Variants in FAM171A1 observed in about 807,000 individuals in gnomAD.
The protein encoded by FAM171A1 is protein FAM171A1.
Under a neutral mutation model 74.9 loss-of-function variants are expected in FAM171A1, and 23 were observed. The ratio of observed to expected loss-of-function variants is 0.31; its 90% CI spans 0.22 to 0.44. The LOEUF is 0.44. Among genes scored for constraint, FAM171A1 ranks in the 20% least tolerant of loss-of-function variants. FAM171A1 has a pLI of 1.00. For synonymous variants in FAM171A1, 527 were observed against 505.7 expected (o/e 1.04, Z -0.57); for missense variants, 1,162 against 1,159.2 (o/e 1.00, Z -0.03).
intron 1 of FAM171A1, among the ~76,000 whole-genome samples, chr10:15,352,666 G>C (rs867541532): frequency 6.6e-6 from 1 of 152,190 alleles, no homozygotes; most frequent in Non-Finnish European, 1.5e-5. Flanking sequence ...AAGTTGTGGG[G>C]AAAGTACACA....
chr10:15,310,038 T>G (rs571341363), intron 1 of FAM171A1, among the ~76,000 whole-genome samples: 4 of 152,270 alleles, frequency 2.6e-5, no homozygotes, highest in Admixed American at 1.3e-4. Context: ...AGCCTAAAAC[T>G]AAAAAAGTTG....
intron 3 of FAM171A1, among the ~76,000 whole-genome samples, chr10:15,269,073 G>C (rs1015794879): frequency 6.7e-6 from 1 of 148,784 alleles, no homozygotes; most frequent in African/African-American, 2.5e-5. Context: ...AACAAACAAA[G>C]CCAGGAAACA....
chr10:15,296,263 T>C (rs1271129303), intron 1 of FAM171A1, among the ~76,000 whole-genome samples: 1 of 152,150 alleles, frequency 6.6e-6, no homozygotes, highest in Non-Finnish European at 1.5e-5. Context: ...TACCCAAAAT[T>C]TAGCCAATCA....
intron 4 of FAM171A1, among the ~76,000 whole-genome samples, chr10:15,249,104 T>TC (rs1173431247): frequency 5.4e-5 from 8 of 146,938 alleles, no homozygotes; most frequent in African/African-American, 1.6e-4. Flanking sequence ...TTTTCTTTTT[T>TC]TTTTTTTTTT....
intron 1 of FAM171A1, among the ~76,000 whole-genome samples, chr10:15,358,034 G>A (rs1470086280): frequency 6.6e-6 from 1 of 152,180 alleles, no homozygotes; most frequent in East Asian, 1.9e-4. Flanking sequence ...GGAGTGCACT[G>A]ACAGGATCAT....
intron 1 of FAM171A1, among the ~76,000 whole-genome samples, chr10:15,311,124 C>T (rs539529051): frequency 1.3e-5 from 2 of 152,204 alleles, no homozygotes. Flanking sequence ...CAGGCTACTG[C>T]CCCCTGTTCC....
intron 1 of FAM171A1, among the ~76,000 whole-genome samples, chr10:15,301,642 G>C (rs1041462122): frequency 1.3e-5 from 2 of 152,212 alleles, no homozygotes; most frequent in Admixed American, 1.3e-4. Flanking sequence ...TATAAAGTAA[G>C]CTGTTGCATG....
intron 3 of FAM171A1, among the ~76,000 whole-genome samples, chr10:15,258,663 A>G (rs908514704): frequency 2.6e-5 from 4 of 152,060 alleles, no homozygotes; most frequent in Non-Finnish European, 5.9e-5. Context: ...GTGATCCGCA[A>G]ACCCCATGAC....
At chr10:15,274,014 A>G (rs1834861569) in intron 3 of FAM171A1, among the ~76,000 whole-genome samples, 1 of 152,224 alleles carries the variant, frequency 6.6e-6, no homozygotes, top group Non-Finnish European at 1.5e-5. Context: ...TGTTCAACAT[A>G]GTGTTGGAAG....
At chr10:15,233,521 GGTGTGTGTGTGTGTGT>G (rs61637156) in intron 5 of FAM171A1, among the ~76,000 whole-genome samples, 1 of 145,282 alleles carries the variant, frequency 6.9e-6, no homozygotes, top group African/African-American at 2.6e-5. Context: ...GTGTATTCAG[GGTGTGTGTGTGTGTGT>G]GTGTGTGTGT....
At chr10:15,349,470 G>A (rs564015130) in intron 1 of FAM171A1, among the ~76,000 whole-genome samples, 173 of 152,200 alleles carry the variant, frequency 1.1e-3, no homozygotes, top group African/African-American at 4.0e-3. Flanking sequence ...TTCAATTCCT[G>A]TAAAGGCCAG....
At chr10:15,369,199 T>TTATATATATATTGAATATATATATATA (rs1554758707) in intron 1 of FAM171A1, among the ~76,000 whole-genome samples, 1 of 147,518 alleles carries the variant, frequency 6.8e-6, no homozygotes, top group African/African-American at 2.5e-5. Context: ...CCTAAACCTG[T>TTATATATATATTGAATATATATATATA]TATATATATA....
intron 3 of FAM171A1, among the ~76,000 whole-genome samples, chr10:15,273,111 T>C (rs1440480462): frequency 3.3e-5 from 5 of 152,078 alleles, no homozygotes; most frequent in African/African-American, 1.2e-4. Context: ...GAGCTGGTTT[T>C]TTGAAAAGAT....
intron 1 of FAM171A1, among the ~76,000 whole-genome samples, chr10:15,350,327 A>C (rs1357116197): frequency 6.6e-6 from 1 of 151,924 alleles, no homozygotes; most frequent in Non-Finnish European, 1.5e-5. Flanking sequence ...CTATATCATT[A>C]ATTTTATTTT....
intron 5 of FAM171A1, among the ~76,000 whole-genome samples, chr10:15,247,742 G>A (rs1358405244): frequency 6.6e-6 from 1 of 152,070 alleles, no homozygotes; most frequent in East Asian, 1.9e-4. Flanking sequence ...CAAAGTGCTG[G>A]GATTACAGGT....
chr10:15,315,266 G>T (rs986567627), intron 1 of FAM171A1, among the ~76,000 whole-genome samples: 1 of 152,138 alleles, frequency 6.6e-6, no homozygotes, highest in Non-Finnish European at 1.5e-5. Flanking sequence ...GTCATGTCCT[G>T]GCTGTGATGG....
At chr10:15,343,538 G>A (rs1423414398) in intron 1 of FAM171A1, among the ~76,000 whole-genome samples, 1 of 152,178 alleles carries the variant, frequency 6.6e-6, no homozygotes, top group Non-Finnish European at 1.5e-5. Context: ...CAGAGAGGAC[G>A]ACATCTGAAG....
intron 1 of FAM171A1, among the ~76,000 whole-genome samples, chr10:15,298,062 TCTC>T (rs1835181697): frequency 2.0e-5 from 3 of 152,066 alleles, no homozygotes; most frequent in Admixed American, 6.6e-5. Flanking sequence ...CTTCCTACAA[TCTC>T]ATCTAAAAAA....
chr10:15,359,841 A>G (rs190954381), intron 1 of FAM171A1, among the ~76,000 whole-genome samples: 27 of 152,316 alleles, frequency 1.8e-4, no homozygotes, highest in African/African-American at 5.8e-4. Flanking sequence ...GGAGGTCAGA[A>G]AGGCTTCTGG....
Sources: allele counts gnomAD v4.1 joint callset (sites outside exome capture counted in the v4.1 genomes callset), GRCh38; gene constraint gnomAD v4.1.1; transcripts MANE v1.5; gene names NCBI Gene and HGNC (gene_info 2026-07-23, HGNC 2026-07-21).